Variants in UBASH3B observed in about 807,000 individuals in gnomAD.
The protein encoded by UBASH3B is ubiquitin associated and SH3 domain containing B, also known as ubiquitin-associated and SH3 domain-containing protein B.
A neutral mutation model predicts 83.4 loss-of-function variants in UBASH3B; 37 were observed. The ratio of observed to expected loss-of-function variants is 0.44; its 90% CI spans 0.34 to 0.58. UBASH3B has a LOEUF of 0.58. UBASH3B is among the 20% of genes least tolerant of loss of function. The pLI, the probability that UBASH3B is intolerant of heterozygous loss-of-function variation, is 0.01. For synonymous variants in UBASH3B, 304 were observed against 318.3 expected (o/e 0.96, Z 0.48); for missense variants, 657 against 827.2 (o/e 0.79, Z 2.52).
chr11:122,754,608 C>T (rs1203365166), intron 1 of UBASH3B, among the ~76,000 whole-genome samples: 1 of 152,162 alleles, frequency 6.6e-6, no homozygotes, highest in East Asian at 1.9e-4. Context: ...TGGCATCTGG[C>T]CTTGGTTCCC....
intron 1 of UBASH3B, among the ~76,000 whole-genome samples, chr11:122,715,829 G>A (rs544308394): frequency 3.9e-5 from 6 of 152,214 alleles, no homozygotes; most frequent in African/African-American, 7.2e-5. Context: ...AGCCTCCACC[G>A]TGGTCCCCTG....
chr11:122,697,950 A>C (rs1863983331), intron 1 of UBASH3B, among the ~76,000 whole-genome samples: 1 of 152,174 alleles, frequency 6.6e-6, no homozygotes, highest in Non-Finnish European at 1.5e-5. Flanking sequence ...TCTGACAGTT[A>C]AGAGCACTGG....
intron 1 of UBASH3B, among the ~76,000 whole-genome samples, chr11:122,659,192 C>T (rs537215211): frequency 6.6e-6 from 1 of 152,088 alleles, no homozygotes; most frequent in South Asian, 2.1e-4. Flanking sequence ...CTGCAAAGTC[C>T]TTTAAAAAAA....
intron 1 of UBASH3B, among the ~76,000 whole-genome samples, chr11:122,753,532 A>G (rs949030805): frequency 2.6e-5 from 3 of 114,022 alleles, no homozygotes; most frequent in African/African-American, 1.0e-4. Flanking sequence ...GAGTTTCACT[A>G]TTGTCGCCCA....
chr11:122,680,313 A>G (rs1430450928), intron 1 of UBASH3B, among the ~76,000 whole-genome samples: 4 of 151,874 alleles, frequency 2.6e-5, no homozygotes, highest in African/African-American at 7.2e-5. Flanking sequence ...TGTGAAAATC[A>G]AAGGCACGGG....
chr11:122,689,866 G>T (rs548778222), intron 1 of UBASH3B, among the ~76,000 whole-genome samples: 2 of 152,198 alleles, frequency 1.3e-5, no homozygotes, highest in African/African-American at 4.8e-5. Flanking sequence ...ATATTGCAAA[G>T]GATATAGTTG....
chr11:122,744,893 G>GTGTGTGTGTGTGTGTGTGTGTA (rs1861088736), intron 1 of UBASH3B, among the ~76,000 whole-genome samples: 2 of 136,430 alleles, frequency 1.5e-5, no homozygotes, highest in Non-Finnish European at 3.3e-5. Flanking sequence ...GTGTGTGTGT[G>GTGTGTGTGTGTGTGTGTGTGTA]TGTGTGCGCG....
At chr11:122,779,796 G>C (rs1217932133) in intron 4 of UBASH3B, 101 bp downstream of exon 4, 2 of 1,398,960 alleles carry the variant, frequency 1.4e-6, no homozygotes, top group Non-Finnish European at 2.0e-6. Context: ...ATGGGGTCAG[G>C]AGGTGGAGGA....
At chr11:122,715,802 C>T (rs1343614267) in intron 1 of UBASH3B, among the ~76,000 whole-genome samples, 1 of 152,238 alleles carries the variant, frequency 6.6e-6, no homozygotes, top group African/African-American at 2.4e-5. Flanking sequence ...TCTGTAACCA[C>T]AAAGAGAGAG....
intron 1 of UBASH3B, among the ~76,000 whole-genome samples, chr11:122,679,581 C>T (rs938513724): frequency 6.6e-6 from 1 of 152,144 alleles, no homozygotes; most frequent in East Asian, 1.9e-4. Context: ...TCTGGGACAC[C>T]TTGATCTCTA....
At chr11:122,748,319 A>T (rs1003887976) in intron 1 of UBASH3B, among the ~76,000 whole-genome samples, 15 of 152,218 alleles carry the variant, frequency 9.9e-5, no homozygotes, top group African/African-American at 3.4e-4. Flanking sequence ...CAACATTCAC[A>T]AAAGCAGAGA....
At chr11:122,798,815 T>C (rs1861199256) in intron 9 of UBASH3B, 127 bp from the exon 10 acceptor site, 2 of 632,670 alleles carry the variant, frequency 3.2e-6, no homozygotes, top group Non-Finnish European at 5.5e-6. Flanking sequence ...AACTACTGGC[T>C]CTATGTGAGC....
At position 122,656,154 on chromosome 11, in the gene UBASH3B, C is replaced by G; in HGVS notation, c.105C>G (p.Ile35Met). The G allele has an allele frequency of 6.3e-7, 1 of 1,583,056 alleles. No homozygotes were observed. The highest frequency in any genetic ancestry group is 1.2e-5 in the South Asian group (1 of 86,622). Reference protein sequence around the residue: ...RRNRQQRPGTIKHGSALDVLL... With the variant: ...RRNRQQRPGTMKHGSALDVLL... ...ACCGCCAACAGCGCCCCGGCACCAT[C>G]AAGCATGGATCGGCGCTGGACGTGC... Residue 35 changes from isoleucine to methionine, a missense_variant, in exon 1 of 14, where the codon ATC becomes ATG. By Grantham distance (10) the Ile-to-Met change is conservative. Coordinates refer to ENST00000284273, the MANE Select transcript of UBASH3B (RefSeq NM_032873.5).
At chr11:122,712,977 G>A (rs113256439) in intron 1 of UBASH3B, among the ~76,000 whole-genome samples, 18,295 of 132,784 alleles carry the variant, frequency 0.14, 1,283 homozygotes, top group Middle Eastern at 0.21. Context: ...GTGCGATCTC[G>A]GCTCACTGCA....
rs562091155 is a variant in UBASH3B at position 122,763,940 on chromosome 11, C to A, written c.162-12279C>A. Among the ~76,000 whole-genome samples the A allele has an allele frequency of 6.6e-5, 10 of 152,266 alleles. No homozygotes were observed. The South Asian group carries it at 2.1e-3, about 32-fold the overall frequency. Reference sequence around the variant, plus strand: ...TCAGCTGAACTGCCCAGGCTCTTTGCAAGCCTATTTTACTGGCCTTGGTGA... The same window carrying A: ...TCAGCTGAACTGCCCAGGCTCTTTGAAAGCCTATTTTACTGGCCTTGGTGA... On this transcript the variant is annotated intron_variant, in intron 1 of 13. Coordinates refer to ENST00000284273, the MANE Select transcript of UBASH3B (RefSeq NM_032873.5).
chr11:122,703,552 T>A (rs1356351819), intron 1 of UBASH3B, among the ~76,000 whole-genome samples: 1 of 152,242 alleles, frequency 6.6e-6, no homozygotes, highest in Non-Finnish European at 1.5e-5. Flanking sequence ...ATAGATTAGG[T>A]TTAGAAACTG....
chr11:122,714,632 A>G (rs1565538780), intron 1 of UBASH3B, among the ~76,000 whole-genome samples: 1 of 152,148 alleles, frequency 6.6e-6, no homozygotes, highest in Admixed American at 6.5e-5. Flanking sequence ...TTGCTTCACA[A>G]CTTGTGACCC....
chr11:122,813,317 C>T lies in UBASH3B; in HGVS notation c.*3431C>T, dbSNP rs1591337727. 6.6e-6 allele frequency: 1 copy of T among 152,176 alleles called. No homozygotes were observed. Among genetic ancestry groups the T allele is most frequent in the African/African-American group, 2.4e-5 (1 of 41,464 alleles). 9.4% of individuals were successfully genotyped at this position (152,176 alleles called of 1,614,324 possible). A position where few individuals can be genotyped will look rare whatever the true frequency, so the allele number is the denominator to read the frequency against. On this transcript the variant is annotated 3_prime_UTR_variant, in exon 14 of 14. Transcript: ENST00000284273. ...CTAGTGTTGTTGGGAACTAATTGAA[C>T]AGCTACAGTAAAAGAAGTTCCTATC... is the stretch of plus-strand genomic sequence containing the variant.
intron 1 of UBASH3B, among the ~76,000 whole-genome samples, chr11:122,690,222 ATATATATCCAATTT>A (rs1277554853): frequency 1.2e-4 from 16 of 133,114 alleles, no homozygotes; most frequent in African/African-American, 3.0e-4. Context: ...AATTATATAT[ATATATATCCAATTT>A]TATATATATA....
Sources: gnomAD v4.1 joint callset for allele counts (sites outside exome capture counted in the v4.1 genomes callset) on GRCh38, gnomAD v4.1.1 for gene constraint, MANE v1.5 for transcripts, NCBI Gene and HGNC (gene_info 2026-07-23, HGNC 2026-07-21) for gene names.